The following EIF4A3 variants were observed in gnomAD, a reference collection of about 807,000 sequenced individuals.
The protein encoded by EIF4A3 is eukaryotic initiation factor 4A-III.
In EIF4A3, 1 loss-of-function variant was observed where a neutral mutation model predicts 55.6. The observed-to-expected ratio is 0.02, with a 90% CI of 0.01 to 0.09. EIF4A3 has a LOEUF of 0.09. Among genes scored for constraint, EIF4A3 ranks in the 10% least tolerant of loss-of-function variants. The pLI, the probability that EIF4A3 is intolerant of heterozygous loss-of-function variation, is 1.00. For synonymous variants in EIF4A3, 194 were observed against 196.3 expected (o/e 0.99, Z 0.10); for missense variants, 221 against 540.7 (o/e 0.41, Z 5.86).
chr17:80,139,964 C>A, intron 5 of EIF4A3, 44 bp downstream of exon 5: 1 of 1,594,764 alleles, frequency 6.3e-7, no homozygotes, highest in South Asian at 1.1e-5. Context: ...GCACTTCTTA[C>A]AAATACTACC....
chr17:80,136,166 A>G (rs756748821), intron 10 of EIF4A3, 35 bp from the exon 11 acceptor site: 9 of 1,613,572 alleles, frequency 5.6e-6, no homozygotes, highest in South Asian at 5.5e-5. Context: ...GTTAGTATAT[A>G]TAACAATCAA....
chr17:80,144,106 G>T, intron 2 of EIF4A3, 66 bp downstream of exon 2: 1 of 1,440,032 alleles, frequency 6.9e-7, no homozygotes, highest in Non-Finnish European at 9.8e-7. Flanking sequence ...TCATCCCAGA[G>T]CATCTAACTG....
In EIF4A3 at chr17:80,146,790, C is replaced by T. The variant is rs1349528344; in HGVS notation, c.169+3G>A. 6.2e-7 allele frequency: 1 copy of T among 1,606,084 alleles called. No individual in the cohort carries two copies. Among genetic ancestry groups the T allele is most frequent in the Admixed American group, 1.7e-5 (1 of 59,936 alleles). ...CTGGCCCCCGCGGCCCGCGCCCGCT[C>T]ACCGTAAGCGTAGATGCCCCGCAGC... On this transcript the variant is annotated splice_donor_region_variant and intron_variant, in intron 1 of 11. Transcript: ENST00000649764.
At chr17:80,137,985 G>A (rs1419157697) in intron 8 of EIF4A3, among the ~76,000 whole-genome samples, 157 bp downstream of exon 8, 1 of 152,174 alleles carries the variant, frequency 6.6e-6, no homozygotes, top group Admixed American at 6.5e-5. Flanking sequence ...CTGACCGTTT[G>A]CATATTGTCT....
In EIF4A3 at chr17:80,138,205, C is replaced by A. The variant is rs1363410365; in HGVS notation, c.804G>T (p.Leu268=). 2 of 1,614,146 alleles carry A rather than the reference C, an allele frequency of 1.2e-6. No homozygotes were observed. Among genetic ancestry groups the A allele is most frequent in the Admixed American group, 3.3e-5 (2 of 60,022 alleles). ...VEREEWKFDT[L]CDLYDTLTIT... is the part of the protein sequence containing the mutation. ...TGGTCAGTGTGTCGTAGAGGTCACA[C>A]AGAGTGTCAAATTTCCACTCTTCCC... The change falls in exon 8 of 12, where the codon CTG becomes CTT. Residue 268 remains leucine (L), a synonymous_variant. Transcript: ENST00000649764.
intron 4 of EIF4A3, among the ~76,000 whole-genome samples, chr17:80,140,704 A>G (rs2039610903): frequency 6.6e-6 from 1 of 152,242 alleles, no homozygotes; most frequent in Non-Finnish European, 1.5e-5. Flanking sequence ...TATAAAATTC[A>G]TAATCCCATC....
At chr17:80,141,710 C>T (rs2039620595) in intron 3 of EIF4A3, 72 bp downstream of exon 3, 6 of 1,468,060 alleles carry the variant, frequency 4.1e-6, no homozygotes. Flanking sequence ...TTTTTGAACA[C>T]TGTAGTTACA....
intron 2 of EIF4A3, among the ~76,000 whole-genome samples, chr17:80,142,549 G>A (rs1013078712): frequency 3.9e-5 from 6 of 152,176 alleles, no homozygotes; most frequent in African/African-American, 1.4e-4. Flanking sequence ...TTCGAGACCA[G>A]CCTGGGCAAT....
chr17:80,143,462 C>T (rs1413519439), intron 2 of EIF4A3, among the ~76,000 whole-genome samples: 1 of 152,180 alleles, frequency 6.6e-6, no homozygotes, highest in Non-Finnish European at 1.5e-5. Context: ...GGGACTGAGC[C>T]GTCAACCTGC....
At chr17:80,137,631 A>C in intron 8 of EIF4A3, 130 bp from the exon 9 acceptor site, 1 of 717,038 alleles carries the variant, frequency 1.4e-6, no homozygotes. Flanking sequence ...AAAACTCAGA[A>C]TCATCCTAAC....
rs773009310 is a variant in EIF4A3 at position 80,137,360 on chromosome 17, G to A, written c.983+26C>T. ...GACACAGTCTAGCAAACCCTGACCTGCAGAGCCACAGCATAGCAGACCCAC... is the reference window on the plus strand; with the variant it reads ...GACACAGTCTAGCAAACCCTGACCTACAGAGCCACAGCATAGCAGACCCAC... On this transcript the variant is annotated intron_variant, in intron 9 of 11. Coordinates refer to ENST00000649764, the MANE Select transcript of EIF4A3 (RefSeq NM_014740.4). The A allele has an allele frequency of 5.0e-6, 8 of 1,602,142 alleles. No homozygotes were observed. The Admixed American group carries it at 1.0e-4, about 20-fold the overall frequency.
intron 7 of EIF4A3, 165 bp downstream of exon 7, chr17:80,138,856 A>G (rs1299849779): frequency 2.2e-6 from 2 of 905,028 alleles, no homozygotes; most frequent in African/African-American, 3.4e-5. Context: ...GCATGCTTTC[A>G]ATTCCTTTAC....
intron 6 of EIF4A3, chr17:80,139,408 T>C: frequency 1.6e-6 from 1 of 635,114 alleles, no homozygotes; most frequent in Non-Finnish European, 2.6e-6. Context: ...TCTGAAGTGA[T>C]CTAGGGATCA....
At chr17:80,140,692 TA>T (rs531156959) in intron 4 of EIF4A3, among the ~76,000 whole-genome samples, 273 of 152,326 alleles carry the variant, frequency 1.8e-3, no homozygotes, top group Non-Finnish European at 2.3e-3. Context: ...CAGAAAAGAA[TA>T]TATAAAATTC....
chr17:80,136,174 C>A (rs1458877809), intron 10 of EIF4A3, 43 bp from the exon 11 acceptor site: 2 of 1,613,228 alleles, frequency 1.2e-6, no homozygotes, highest in South Asian at 1.1e-5. Flanking sequence ...ATATAACAAT[C>A]AAGATTTAGT....
chr17:80,141,438 T>C (rs1223592309), intron 3 of EIF4A3, 57 bp from the exon 4 acceptor site: 6 of 1,522,772 alleles, frequency 3.9e-6, no homozygotes, highest in East Asian at 2.3e-5. Flanking sequence ...AAGTGGATTG[T>C]AGTAATTCAC....
rs1364791318 is a variant in EIF4A3 at position 80,141,247 on chromosome 17, A to C, written c.372+72T>G. ...AAAACAGGATTGGATTAAATAAATA[A>C]GTCGGTGTTTCACAACTAAATCACA... On this transcript the variant is annotated intron_variant, in intron 4 of 11. Coordinates refer to ENST00000649764, the MANE Select transcript of EIF4A3 (RefSeq NM_014740.4). The C allele has an allele frequency of 8.9e-6, 13 of 1,453,688 alleles. No homozygotes were observed. In the South Asian group the frequency reaches 1.6e-4, roughly 18 times the overall value. 90.0% of individuals were successfully genotyped at this position (1,453,688 alleles called of 1,614,324 possible). A position where few individuals can be genotyped will look rare whatever the true frequency, so the allele number is the denominator to read the frequency against.
chr17:80,140,656 T>G (rs1339991889), intron 4 of EIF4A3, among the ~76,000 whole-genome samples: 1 of 152,206 alleles, frequency 6.6e-6, no homozygotes, highest in East Asian at 1.9e-4. Context: ...CCTGCTGGTT[T>G]CTTATTACAA....
chr17:80,145,393 C>A (rs117379463), intron 1 of EIF4A3, among the ~76,000 whole-genome samples: 1 of 151,990 alleles, frequency 6.6e-6, no homozygotes, highest in Non-Finnish European at 1.5e-5. Flanking sequence ...GCAAAATCCC[C>A]TCCCTACTAA....
Sources: gnomAD v4.1 joint callset for allele counts (sites outside exome capture counted in the v4.1 genomes callset) on GRCh38, gnomAD v4.1.1 for gene constraint, MANE v1.5 for transcripts, NCBI Gene and HGNC (gene_info 2026-07-23, HGNC 2026-07-21) for gene names.